The following BFSP1 variants were observed in gnomAD, a reference collection of about 807,000 sequenced individuals.
BFSP1 encodes beaded filament structural protein 1, also known as filensin.
A neutral mutation model predicts 43.9 loss-of-function variants in BFSP1; 38 were observed. The ratio of observed to expected loss-of-function variants is 0.87; its 90% CI spans 0.67 to 1.14. The LOEUF (loss-of-function observed/expected upper bound fraction) is 1.14. Ranked by LOEUF, BFSP1 falls within the 50% of genes most tolerant of loss-of-function variation. BFSP1 has a pLI of 0.00. For missense variants in BFSP1, 850 were observed against 875.1 expected, an observed-to-expected ratio of 0.97 and a Z score of 0.36; for synonymous variants, 352 against 354.8, an observed-to-expected ratio of 0.99 and a Z score of 0.09.
At chr20:17,497,072 G>T in intron 6 of BFSP1, 49 bp from the exon 7 acceptor site, 1 of 1,382,614 alleles carries the variant, frequency 7.2e-7, no homozygotes, top group Non-Finnish European at 9.7e-7. Context: ...TCAGGGGCAA[G>T]AGCGACTCTC....
rs745774115 is a variant in BFSP1, at chr20:17,494,341, T to C, written c.1731A>G (p.Thr577=). Residue 577 remains threonine, a synonymous_variant, in exon 8 of 8, where the codon ACA becomes ACG. Transcript: ENST00000377873. ...GTATAGATGGTTCCTCTGCACCGGG[T>C]GTGACCATGGCACAGGGTCTCCTGG... ...EESRRPCAMV[T]PGAEEPSIPE... 5 of 1,614,124 alleles carry C rather than the reference T, an allele frequency of 3.1e-6. No individual in the cohort carries two copies. Among genetic ancestry groups the C allele is most frequent in the Non-Finnish European group, 3.4e-6 (4 of 1,179,976 alleles).
chr20:17,511,914 G>C (rs1341739517), intron 4 of BFSP1, 62 bp downstream of exon 4: 7 of 1,452,092 alleles, frequency 4.8e-6, no homozygotes, highest in Non-Finnish European at 6.7e-6. Context: ...GCCCTTCCCT[G>C]GGAGTCTCCA....
Position 17,494,182 on chromosome 20 carries a change from C to A in BFSP1, c.1890G>T (p.Lys630Asn), listed in dbSNP as rs776440132. The change falls in exon 8 of 8, where the codon AAG (lysine) becomes AAT (asparagine). Residue 630 changes from lysine to asparagine, a missense_variant. Coordinates refer to ENST00000377873, the MANE Select transcript of BFSP1 (RefSeq NM_001195.5). Reference protein sequence around the residue: ...KTVEVVESIEKISTESIQTYE... With the variant: ...KTVEVVESIENISTESIQTYE... ...ATGTCTGAATGCTCTCCGTGGAAAT[C>A]TTCTCGATAGATTCCACCACTTCCA... 2 of 1,613,912 alleles carry A rather than the reference C, an allele frequency of 1.2e-6. No homozygotes were observed. Among genetic ancestry groups the A allele is most frequent in the East Asian group, 2.2e-5 (1 of 44,896 alleles).
At chr20:17,562,613 G>A (rs1482588671), upstream of BFSP1, among the ~76,000 whole-genome samples, 3 of 143,204 alleles carry the variant, frequency 2.1e-5, no homozygotes, top group South Asian at 2.4e-4. Flanking sequence ...TGAGATAATT[G>A]TACTACTTTG....
intron 3 of BFSP1, among the ~76,000 whole-genome samples, chr20:17,512,714 C>T (rs1305309546): frequency 2.0e-5 from 3 of 151,926 alleles, no homozygotes; most frequent in South Asian, 2.1e-4. Context: ...AATGAGACAC[C>T]GTGTCAAAAA....
At chr20:17,559,307 G>C (rs1260521570), upstream of BFSP1, among the ~76,000 whole-genome samples, 1 of 152,198 alleles carries the variant, frequency 6.6e-6, no homozygotes, top group Non-Finnish European at 1.5e-5. Flanking sequence ...AAGGCCTAGA[G>C]TTTATAAATC....
chr20:17,544,161 G>A lies in BFSP1; in HGVS notation c.2+14527C>T, dbSNP rs551504790. ...AGGGAAAGTAGCCAATGATGGCAGG[G>A]TGACCACCATCACCATGGGGGCAAC... is the stretch of plus-strand genomic sequence containing the variant. On this transcript the variant is annotated intron_variant, in intron 1 of 7. Coordinates refer to the BFSP1 transcript ENST00000377868. Among the ~76,000 whole-genome samples the A allele has an allele frequency of 2.6e-5, 4 of 152,334 alleles. No individual in the cohort carries two copies. The South Asian group carries it at 8.3e-4, about 32-fold the overall frequency.
intron 1 of BFSP1, among the ~76,000 whole-genome samples, chr20:17,548,550 G>A (rs1003782856): frequency 8.5e-5 from 13 of 152,258 alleles, no homozygotes; most frequent in Middle Eastern, 3.4e-3. Context: ...AAGATAACTT[G>A]GGGTTCTTGG....
chr20:17,567,698 C>T (rs921335748), intron 1 of BFSP1, among the ~76,000 whole-genome samples: 1 of 152,010 alleles, frequency 6.6e-6, no homozygotes, highest in East Asian at 1.9e-4. Flanking sequence ...CTTATCTCTA[C>T]TAAAAATACA....
intron 1 of BFSP1, among the ~76,000 whole-genome samples, chr20:17,556,632 T>G (rs921009976): frequency 2.0e-5 from 3 of 152,134 alleles, no homozygotes; most frequent in Non-Finnish European, 2.9e-5. Flanking sequence ...GTTCTGCACA[T>G]TTTAAACCAG....
intron 1 of BFSP1, among the ~76,000 whole-genome samples, chr20:17,568,787 G>C (rs760233552): frequency 3.3e-5 from 5 of 151,860 alleles, no homozygotes; most frequent in Admixed American, 2.0e-4. Flanking sequence ...ATACAACCTA[G>C]ATTTTACGTA....
chr20:17,568,308 A>T (rs2035145981), intron 1 of BFSP1, among the ~76,000 whole-genome samples: 1 of 152,150 alleles, frequency 6.6e-6, no homozygotes, highest in South Asian at 2.1e-4. Context: ...GACGAAATGC[A>T]GGAGAGGCTG....
chr20:17,495,916 G>A (rs992926375), intron 7 of BFSP1, among the ~76,000 whole-genome samples: 4 of 152,156 alleles, frequency 2.6e-5, no homozygotes, highest in African/African-American at 9.7e-5. Context: ...AGAGCCAGGT[G>A]AGCCGGCAAC....
chr20:17,551,451 C>T (rs1156494142), intron 1 of BFSP1, among the ~76,000 whole-genome samples: 1 of 152,210 alleles, frequency 6.6e-6, no homozygotes, highest in African/African-American at 2.4e-5. Context: ...CACCTCCCAC[C>T]AGGCCCCTCT....
At chr20:17,532,429 A>AAAAAAAGATTGC (rs2034562898), upstream of BFSP1, among the ~76,000 whole-genome samples, 1 of 149,402 alleles carries the variant, frequency 6.7e-6, no homozygotes. Flanking sequence ...AAAGAAAAAG[A>AAAAAAAGATTGC]AAAAAAGATT....
intron 1 of BFSP1, among the ~76,000 whole-genome samples, chr20:17,526,144 G>T (rs796587261): frequency 4.0e-4 from 18 of 45,044 alleles, no homozygotes; most frequent in African/African-American, 1.1e-3. Flanking sequence ...TGTATGGCGG[G>T]GGGGGGGGGG....
At chr20:17,500,658 G>A (rs1334658372) in intron 5 of BFSP1, among the ~76,000 whole-genome samples, 2 of 152,014 alleles carry the variant, frequency 1.3e-5, no homozygotes, top group Non-Finnish European at 2.9e-5. Context: ...CACTTTTAAC[G>A]AGATGTTTCT....
chr20:17,536,753 G>T (rs1199240904), intron 1 of BFSP1, among the ~76,000 whole-genome samples: 1 of 152,166 alleles, frequency 6.6e-6, no homozygotes, highest in Non-Finnish European at 1.5e-5. Context: ...AGGTAATGGA[G>T]GTAATCATAT....
chr20:17,521,021 GGA>G (rs540104409), intron 2 of BFSP1, among the ~76,000 whole-genome samples: 187 of 151,494 alleles, frequency 1.2e-3, no homozygotes, highest in African/African-American at 4.4e-3. Flanking sequence ...AAAGAGAAAA[GGA>G]GAGGGAGATT....
Sources: allele counts gnomAD v4.1 joint callset (sites outside exome capture counted in the v4.1 genomes callset), GRCh38; gene constraint gnomAD v4.1.1; transcripts MANE v1.5; gene names NCBI Gene and HGNC (gene_info 2026-07-23, HGNC 2026-07-21).